EFNA5: variants seen among roughly 807,000 people sequenced by gnomAD.
EFNA5 encodes ephrin A5, also known as ephrin-A5.
In EFNA5, 5 loss-of-function variants were observed where a neutral mutation model predicts 22.9. That is an observed-to-expected ratio of 0.22 (90% CI 0.11 to 0.46). The LOEUF is 0.46. Ranked by LOEUF, EFNA5 falls within the 20% of genes least tolerant of loss-of-function variation. The pLI, the probability that EFNA5 is intolerant of heterozygous loss-of-function variation, is 0.99. For synonymous variants in EFNA5, 113 were observed against 112.2 expected, an observed-to-expected ratio of 1.01 and a Z score of -0.04; for missense variants, 237 against 293.3, an observed-to-expected ratio of 0.81 and a Z score of 1.40.
Position 107,591,921 on chromosome 5 carries a change from T to TA in EFNA5, c.125+78567dup, listed in dbSNP as rs1561442937. Among the ~76,000 whole-genome samples the TA allele has an allele frequency of 1.5e-3, 15 of 9,848 alleles. 2 individuals carry two copies. The highest frequency in any genetic ancestry group is 8.7e-3 in the African/African-American group (14 of 1,616). 6.5% of individuals were successfully genotyped at this position (9,848 alleles called of 152,430 possible). A position where few individuals can be genotyped will look rare whatever the true frequency, so the allele number is the denominator to read the frequency against. On this transcript the variant is annotated intron_variant, in intron 1 of 4. Coordinates refer to ENST00000333274, the MANE Select transcript of EFNA5 (RefSeq NM_001962.3). ...TATAATATATAATATAAAAAATATATATATAATATATAATATATATATTAT... is the reference window on the plus strand; with the variant it reads ...TATAATATATAATATAAAAAATATATAATATAATATATAATATATATATTAT...
At chr5:107,451,820 T>G (rs992427379) in intron 1 of EFNA5, among the ~76,000 whole-genome samples, 1 of 152,166 alleles carries the variant, frequency 6.6e-6, no homozygotes, top group Non-Finnish European at 1.5e-5. Flanking sequence ...GTATGGCGAT[T>G]CCTCAAGGAC....
At chr5:107,576,711 G>T (rs1748936170) in intron 1 of EFNA5, among the ~76,000 whole-genome samples, 1 of 152,188 alleles carries the variant, frequency 6.6e-6, no homozygotes, top group East Asian at 1.9e-4. Flanking sequence ...TTATAAAGCT[G>T]CTAACACCCA....
At chr5:107,463,400 A>T (rs1749886464) in intron 1 of EFNA5, among the ~76,000 whole-genome samples, 1 of 152,080 alleles carries the variant, frequency 6.6e-6, no homozygotes, top group Non-Finnish European at 1.5e-5. Context: ...GATTTTCCTC[A>T]ATAATACATT....
At chr5:107,532,489 C>A (rs888611612) in intron 1 of EFNA5, among the ~76,000 whole-genome samples, 1 of 152,144 alleles carries the variant, frequency 6.6e-6, no homozygotes, top group Non-Finnish European at 1.5e-5. Flanking sequence ...AGGAATTAGC[C>A]GGGTTAAATG....
intron 1 of EFNA5, among the ~76,000 whole-genome samples, chr5:107,467,232 G>C (rs906980242): frequency 6.6e-6 from 1 of 152,136 alleles, no homozygotes; most frequent in African/African-American, 2.4e-5. Context: ...ACCTTTAGCA[G>C]TGTGAGGAGA....
intron 1 of EFNA5, among the ~76,000 whole-genome samples, chr5:107,530,237 C>CTGCTATCT (rs1747780792): frequency 6.6e-6 from 1 of 152,200 alleles, no homozygotes; most frequent in Non-Finnish European, 1.5e-5. Context: ...TGACAGACAA[C>CTGCTATCT]TGCTATCTTG....
chr5:107,568,997 G>C (rs1045650331), intron 1 of EFNA5, among the ~76,000 whole-genome samples: 6 of 152,024 alleles, frequency 3.9e-5, no homozygotes, highest in African/African-American at 1.5e-4. Context: ...CTCCCACCTT[G>C]GTTCTGTTGA....
chr5:107,474,224 C>T (rs1468891753), intron 1 of EFNA5, among the ~76,000 whole-genome samples: 3 of 152,168 alleles, frequency 2.0e-5, no homozygotes, highest in Non-Finnish European at 4.4e-5. Context: ...CAGAAATATT[C>T]TGCTGGAGTG....
intron 1 of EFNA5, among the ~76,000 whole-genome samples, chr5:107,481,946 AAC>A (rs1750478088): frequency 6.6e-6 from 1 of 152,180 alleles, no homozygotes; most frequent in Non-Finnish European, 1.5e-5. Flanking sequence ...TTAGAAAACA[AAC>A]ACTGTCTTGT....
At chr5:107,579,363 T>C (rs1240333744) in intron 1 of EFNA5, among the ~76,000 whole-genome samples, 3 of 151,962 alleles carry the variant, frequency 2.0e-5, no homozygotes, top group Non-Finnish European at 4.4e-5. Flanking sequence ...AAGCAAAAAA[T>C]AGTGGCCATT....
chr5:107,536,271 AC>A (rs576879227), intron 1 of EFNA5, among the ~76,000 whole-genome samples: 1 of 152,140 alleles, frequency 6.6e-6, no homozygotes, highest in South Asian at 2.1e-4. Context: ...CATACCATTC[AC>A]CTGTAGCAAC....
At chr5:107,497,053 C>A (rs1747005674) in intron 1 of EFNA5, among the ~76,000 whole-genome samples, 2 of 152,212 alleles carry the variant, frequency 1.3e-5, no homozygotes, top group African/African-American at 4.8e-5. Flanking sequence ...GTTTCAGAAC[C>A]AGCTCCCTGA....
intron 1 of EFNA5, among the ~76,000 whole-genome samples, chr5:107,639,532 T>G (rs1580575268): frequency 6.6e-6 from 1 of 152,332 alleles, no homozygotes; most frequent in East Asian, 1.9e-4. Context: ...ATATGCACAG[T>G]GCTTGAAAAG....
At chr5:107,555,878 G>A (rs1179321703) in intron 1 of EFNA5, among the ~76,000 whole-genome samples, 3 of 152,014 alleles carry the variant, frequency 2.0e-5, no homozygotes, top group Non-Finnish European at 1.5e-5. Context: ...CTTCCCTTAG[G>A]GTGCAGAGTA....
chr5:107,448,570 C>T (rs1749457924), intron 1 of EFNA5, among the ~76,000 whole-genome samples: 1 of 152,018 alleles, frequency 6.6e-6, no homozygotes. Context: ...GTGGCTCACA[C>T]CCGTAATCCC....
chr5:107,495,407 G>A (rs1185248778), intron 1 of EFNA5, among the ~76,000 whole-genome samples: 1 of 152,184 alleles, frequency 6.6e-6, no homozygotes, highest in Non-Finnish European at 1.5e-5. Context: ...CCGAACATCA[G>A]AAGGAACAAA....
At chr5:107,539,249 C>T (rs1192332060) in intron 1 of EFNA5, among the ~76,000 whole-genome samples, 2 of 152,152 alleles carry the variant, frequency 1.3e-5, no homozygotes, top group African/African-American at 4.8e-5. Context: ...GCACCATTTG[C>T]GAAGGCAGTG....
intron 1 of EFNA5, among the ~76,000 whole-genome samples, chr5:107,529,893 C>T (rs1747774003): frequency 6.6e-6 from 1 of 152,292 alleles, no homozygotes; most frequent in Non-Finnish European, 1.5e-5. Context: ...TGTGTATTAA[C>T]AACTTACATA....
intron 1 of EFNA5, among the ~76,000 whole-genome samples, chr5:107,442,047 G>T (rs563619391): frequency 8.6e-5 from 13 of 152,034 alleles, no homozygotes; most frequent in Non-Finnish European, 1.3e-4. Context: ...AAAACACCAG[G>T]TTATTTGCCT....
Sources: allele counts gnomAD v4.1 joint callset (sites outside exome capture counted in the v4.1 genomes callset), GRCh38; gene constraint gnomAD v4.1.1; transcripts MANE v1.5; gene names NCBI Gene and HGNC (gene_info 2026-07-23, HGNC 2026-07-21).